Variants in PPFIBP2 observed in about 807,000 individuals in gnomAD.
PPFIBP2 encodes liprin-beta-2.
PPFIBP2 carries 118 observed loss-of-function variants against 118.3 expected under a neutral mutation model. The ratio of observed to expected loss-of-function variants is 1.00; its 90% confidence interval spans 0.86 to 1.16. The LOEUF is 1.16. PPFIBP2 is among the 50% of genes most tolerant of loss of function. The pLI is 0.00. For missense variants in PPFIBP2, 1,195 were observed against 1,073.1 expected (o/e 1.11, Z -1.59); for synonymous variants, 414 against 397.4 (o/e 1.04, Z -0.50).
At position 7,534,671 on chromosome 11, in the gene PPFIBP2, G is replaced by A. The variant is rs564250364; in HGVS notation, c.-36-14769G>A. ...TGTGGTGTGGACAGGGGAGAGAATG[G>A]AGGTAAGGACTACCACAGGTCAGAC... is the stretch of plus-strand genomic sequence containing the variant. On this transcript the variant is annotated intron_variant, in intron 1 of 23. Transcript: ENST00000299492. Among the ~76,000 whole-genome samples, 13 of 152,288 alleles carry A rather than the reference G, an allele frequency of 8.5e-5. No individual in the cohort carries two copies. In the East Asian group the frequency reaches 2.5e-3, roughly 29 times the overall value.
intron 2 of PPFIBP2, among the ~76,000 whole-genome samples, chr11:7,555,913 A>G (rs1253115121): frequency 2.0e-5 from 3 of 152,144 alleles, no homozygotes. Flanking sequence ...TCTTGTTTGA[A>G]GATTTTTTTC....
At chr11:7,582,237 G>T (rs1056072138) in intron 3 of PPFIBP2, among the ~76,000 whole-genome samples, 1 of 152,176 alleles carries the variant, frequency 6.6e-6, no homozygotes, top group African/African-American at 2.4e-5. Flanking sequence ...TTACTCGGGA[G>T]CCAGGTACCC....
At position 7,648,505 on chromosome 11, in the gene PPFIBP2, T is replaced by A. The variant is rs149157151; in HGVS notation, c.1765T>A (p.Leu589Ile). 3.7e-3 allele frequency: 6,026 copies of A among 1,614,088 alleles called. 61 individuals carry two copies. Among genetic ancestry groups the A allele is most frequent in the South Asian group, 0.025 (2,242 of 91,070 alleles). The change falls in exon 18 of 24, where the codon TTA becomes ATA. Residue 589 changes from leucine to isoleucine, a missense_variant. Leu to Ile is a conservative substitution (Grantham distance 5). Transcript: ENST00000299492. ...ARQWVSSGHT[L>I]LTATPQDMEK... ...GCAGTGGGTATCTTCTGGCCACACC[T>A]TATTGACAGCCACCCCTCAGGACAT...
In PPFIBP2 at chr11:7,650,884, G is replaced by T; in HGVS notation, c.2166G>T (p.Arg722Ser). 3.7e-6 allele frequency: 6 copies of T among 1,613,932 alleles called. No homozygotes were observed. The highest frequency in any genetic ancestry group is 5.1e-6 in the Non-Finnish European group (6 of 1,179,854). The change falls in exon 22 of 24, where the codon AGG (arginine) becomes AGT (serine). Residue 722 changes from arginine (R) to serine (S), a missense_variant. Arg to Ser is a moderately radical substitution (Grantham distance 110). Coordinates refer to ENST00000299492, the MANE Select transcript of PPFIBP2 (RefSeq NM_003621.5). ...AAGTTGTACAGTGGTCCAACCACAGGGTGATGGAGTGGTTACGATCTGTGG... is the reference window on the plus strand; with the variant it reads ...AAGTTGTACAGTGGTCCAACCACAGTGTGATGGAGTGGTTACGATCTGTGG... ...PSEVVQWSNH[R>S]VMEWLRSVDL...
In PPFIBP2 at chr11:7,549,445, A is replaced by G; in HGVS notation, c.-31A>G. ...TTCTGTATTTGAATTTTCAGTAAGA[A>G]GAGGAGGAGGCCAGGCAGGCAAAAG... On this transcript the variant is annotated 5_prime_UTR_variant, in exon 2 of 24. Coordinates refer to ENST00000299492, the MANE Select transcript of PPFIBP2 (RefSeq NM_003621.5). The G allele has an allele frequency of 1.3e-6, 2 of 1,553,612 alleles. No homozygotes were observed. Among genetic ancestry groups the G allele is most frequent in the South Asian group, 1.2e-5 (1 of 84,112 alleles).
chr11:7,528,991 C>A (rs894622222), intron 1 of PPFIBP2, among the ~76,000 whole-genome samples: 1 of 152,230 alleles, frequency 6.6e-6, no homozygotes, highest in South Asian at 2.1e-4. Context: ...GACCCAGGGT[C>A]CTTCAGACTT....
intron 2 of PPFIBP2, among the ~76,000 whole-genome samples, chr11:7,551,464 A>G (rs2134553918): frequency 6.6e-6 from 1 of 151,994 alleles, no homozygotes; most frequent in East Asian, 1.9e-4. Context: ...ATTCTGTTTC[A>G]TGGATTTATT....
intron 1 of PPFIBP2, among the ~76,000 whole-genome samples, chr11:7,526,962 C>T (rs542021753): frequency 6.6e-6 from 1 of 152,124 alleles, no homozygotes; most frequent in Admixed American, 6.5e-5. Flanking sequence ...TTTGAGAACA[C>T]ACCATCCTGA....
intron 2 of PPFIBP2, among the ~76,000 whole-genome samples, chr11:7,556,040 A>G (rs1360576037): frequency 6.6e-6 from 1 of 152,170 alleles, no homozygotes; most frequent in Non-Finnish European, 1.5e-5. Context: ...GTTGGCCATT[A>G]TATTTTATCT....
chr11:7,628,378 C>T, intron 9 of PPFIBP2, 32 bp downstream of exon 9: 1 of 1,598,576 alleles, frequency 6.3e-7, no homozygotes, highest in Non-Finnish European at 8.6e-7. Flanking sequence ...CCTGTCTTTT[C>T]CATGCTTACA....
At chr11:7,626,147 G>C (rs1849978628) in intron 8 of PPFIBP2, among the ~76,000 whole-genome samples, 1 of 152,154 alleles carries the variant, frequency 6.6e-6, no homozygotes, top group African/African-American at 2.4e-5. Context: ...GTTTTTCTCA[G>C]ATGCACAGAA....
chr11:7,651,606 G>A (rs547991941), intron 22 of PPFIBP2, 50 bp from the exon 23 acceptor site: 16 of 1,525,368 alleles, frequency 1.0e-5, no homozygotes, highest in East Asian at 6.8e-5. Context: ...CCTCCCCCTC[G>A]AGCCATTTGT....
At chr11:7,553,734 G>A (rs565857281) in intron 2 of PPFIBP2, among the ~76,000 whole-genome samples, 2 of 152,310 alleles carry the variant, frequency 1.3e-5, no homozygotes, top group East Asian at 1.9e-4. Flanking sequence ...CTTAATTGAT[G>A]TAAGTTATTT....
At chr11:7,626,955 C>T (rs1336894145) in intron 8 of PPFIBP2, among the ~76,000 whole-genome samples, 1 of 152,234 alleles carries the variant, frequency 6.6e-6, no homozygotes, top group African/African-American at 2.4e-5. Flanking sequence ...TTCTCAGTGT[C>T]CGCCCAAGCC....
At chr11:7,566,813 A>G (rs1369542719) in intron 3 of PPFIBP2, among the ~76,000 whole-genome samples, 1 of 152,176 alleles carries the variant, frequency 6.6e-6, no homozygotes, top group Admixed American at 6.5e-5. Flanking sequence ...TATTTAGGGT[A>G]TCCACTGTTC....
intron 1 of PPFIBP2, among the ~76,000 whole-genome samples, chr11:7,524,508 T>C (rs1175934105): frequency 6.6e-6 from 1 of 152,216 alleles, no homozygotes; most frequent in Non-Finnish European, 1.5e-5. Context: ...GTCAGGGTAG[T>C]GTTATTCCCA....
intron 6 of PPFIBP2, among the ~76,000 whole-genome samples, chr11:7,613,718 C>G (rs1312909751): frequency 6.6e-6 from 1 of 152,154 alleles, no homozygotes; most frequent in South Asian, 2.1e-4. Flanking sequence ...GATGGGCCTT[C>G]CCCAAGAAAG....
the PPFIBP2 span, chr11:7,665,821 G>A: frequency 1.3e-6 from 2 of 1,530,268 alleles, no homozygotes; most frequent in Non-Finnish European, 8.8e-7. Context: ...ACACAACGAG[G>A]TATACCGAGG....
chr11:7,602,023 A>C (rs1846701186), intron 5 of PPFIBP2, among the ~76,000 whole-genome samples: 1 of 149,004 alleles, frequency 6.7e-6, no homozygotes, highest in South Asian at 2.1e-4. Context: ...AACCCGAGAG[A>C]CGGAGGTTGC....
Sources: gnomAD v4.1 joint callset for allele counts (sites outside exome capture counted in the v4.1 genomes callset) on GRCh38, gnomAD v4.1.1 for gene constraint, MANE v1.5 for transcripts, NCBI Gene and HGNC (gene_info 2026-07-23, HGNC 2026-07-21) for gene names.